The following NR3C2 variants were observed in gnomAD, a reference collection of about 807,000 sequenced individuals.
The protein encoded by NR3C2 is nuclear receptor subfamily 3 group C member 2.
A neutral mutation model predicts 86.4 loss-of-function variants in NR3C2; 15 were observed. The ratio of observed to expected loss-of-function variants is 0.17; its 90% confidence interval spans 0.12 to 0.27. The LOEUF (loss-of-function observed/expected upper bound fraction) is 0.27, where lower values mean the gene tolerates loss of function less well. Among genes scored for constraint, NR3C2 ranks in the 10% least tolerant of loss-of-function variants. NR3C2 has a pLI of 1.00. For missense variants in NR3C2, 960 were observed against 1,195.6 expected, an observed-to-expected ratio of 0.80 and a Z score of 2.91; for synonymous variants, 458 against 450.5, an observed-to-expected ratio of 1.02 and a Z score of -0.21.
chr4:148,302,214 T>C (rs1479946166), intron 2 of NR3C2, among the ~76,000 whole-genome samples: 1 of 152,186 alleles, frequency 6.6e-6, no homozygotes, highest in African/African-American at 2.4e-5. Context: ...AGAAAAAATA[T>C]ACAGGACTCA....
intron 2 of NR3C2, among the ~76,000 whole-genome samples, chr4:148,279,474 A>G (rs953026217): frequency 2.6e-5 from 4 of 152,220 alleles, no homozygotes; most frequent in Non-Finnish European, 5.9e-5. Context: ...GAAAGAGGAA[A>G]CAAGACACTA....
At chr4:148,154,399 T>C (rs1734249630) in intron 5 of NR3C2, 152 bp downstream of exon 5, 2 of 781,790 alleles carry the variant, frequency 2.6e-6, no homozygotes, top group South Asian at 2.8e-5. Flanking sequence ...ATATTTTTCC[T>C]ATACACTTGA....
At chr4:148,179,073 A>G (rs1213475646) in intron 4 of NR3C2, among the ~76,000 whole-genome samples, 1 of 151,724 alleles carries the variant, frequency 6.6e-6, no homozygotes, top group East Asian at 1.9e-4. Flanking sequence ...AAACTCCATT[A>G]TCTGCAGTGA....
At chr4:148,225,769 T>C (rs1352900240) in intron 3 of NR3C2, among the ~76,000 whole-genome samples, 2 of 152,142 alleles carry the variant, frequency 1.3e-5, no homozygotes, top group Admixed American at 6.6e-5. Context: ...CCTAAGGAAA[T>C]GAAATCAAGG....
At position 148,080,373 on chromosome 4, in the gene NR3C2, G is replaced by A. The variant is rs915171032; in HGVS notation, c.*971C>T. On this transcript the variant is annotated 3_prime_UTR_variant, in exon 9 of 9. Transcript: ENST00000358102. ...TGTAAAATAATGGTAAATTAGATAT[G>A]AAGCTAAAAAAGGCACAGCTTTCCC... 2 of 152,620 alleles carry A rather than the reference G, an allele frequency of 1.3e-5. No individual in the cohort carries two copies. Among genetic ancestry groups the A allele is most frequent in the Admixed American group, 1.3e-4 (2 of 15,284 alleles). 9.5% of individuals were successfully genotyped at this position (152,620 alleles called of 1,614,324 possible). A position where few individuals can be genotyped will look rare whatever the true frequency, so the allele number is the denominator to read the frequency against.
intron 2 of NR3C2, among the ~76,000 whole-genome samples, chr4:148,370,668 G>A (rs566517816): frequency 6.6e-6 from 1 of 152,054 alleles, no homozygotes; most frequent in Non-Finnish European, 1.5e-5. Flanking sequence ...ATGGGAGGGG[G>A]TGCTAAAATA....
intron 2 of NR3C2, 119 bp downstream of exon 2, chr4:148,434,985 A>C: frequency 1.0e-6 from 1 of 978,486 alleles, no homozygotes; most frequent in Non-Finnish European, 1.6e-6. Context: ...GGAGCAACAT[A>C]TGACCATCCT....
At chr4:148,327,126 TGA>T in intron 2 of NR3C2, among the ~76,000 whole-genome samples, 1 of 152,180 alleles carries the variant, frequency 6.6e-6, no homozygotes, top group Admixed American at 6.5e-5. Context: ...GAAAAAGATG[TGA>T]GAGGGGTTAG....
intron 4 of NR3C2, among the ~76,000 whole-genome samples, chr4:148,182,451 T>C (rs912363777): frequency 1.3e-5 from 2 of 152,226 alleles, no homozygotes; most frequent in Non-Finnish European, 2.9e-5. Context: ...AAAGTAAATA[T>C]TGCTTTCATA....
chr4:148,360,882 T>C (rs531881312), intron 2 of NR3C2, among the ~76,000 whole-genome samples: 17 of 152,324 alleles, frequency 1.1e-4, no homozygotes, highest in Admixed American at 7.2e-4. Context: ...GTGAGTTACA[T>C]GTTACACCCA....
chr4:148,327,360 T>C (rs1744023274), intron 2 of NR3C2, among the ~76,000 whole-genome samples: 1 of 152,220 alleles, frequency 6.6e-6, no homozygotes, highest in Non-Finnish European at 1.5e-5. Flanking sequence ...ATTAAGGATA[T>C]GTAACTACCT....
chr4:148,229,139 A>T (rs1008483590), intron 3 of NR3C2, among the ~76,000 whole-genome samples: 1 of 152,188 alleles, frequency 6.6e-6, no homozygotes, highest in Admixed American at 6.5e-5. Flanking sequence ...GGAGGCAGAT[A>T]AGGGAACCTG....
At chr4:148,413,552 A>G (rs1255424161) in intron 2 of NR3C2, among the ~76,000 whole-genome samples, 1 of 152,054 alleles carries the variant, frequency 6.6e-6, no homozygotes, top group Non-Finnish European at 1.5e-5. Flanking sequence ...TTAAAGCACA[A>G]GCAGTAGACT....
intron 2 of NR3C2, among the ~76,000 whole-genome samples, chr4:148,343,938 T>C (rs755671955): frequency 3.5e-4 from 54 of 152,172 alleles, no homozygotes; most frequent in Non-Finnish European, 2.2e-4. Flanking sequence ...GTTGTATTAC[T>C]GTTTGTTGAC....
intron 2 of NR3C2, among the ~76,000 whole-genome samples, chr4:148,332,567 T>C (rs1041613484): frequency 6.6e-6 from 1 of 152,210 alleles, no homozygotes. Flanking sequence ...TGTGTCAAGA[T>C]GCTCCGTACC....
intron 3 of NR3C2, among the ~76,000 whole-genome samples, chr4:148,236,323 A>C (rs1463260858): frequency 1.3e-5 from 2 of 152,210 alleles, no homozygotes; most frequent in Non-Finnish European, 2.9e-5. Flanking sequence ...CTTCAGTGTC[A>C]GCTCTAGAAA....
Position 148,286,536 on chromosome 4 carries a change from C to G in NR3C2, c.1758-26419G>C, listed in dbSNP as rs552633469. Among the ~76,000 whole-genome samples the G allele has an allele frequency of 2.3e-4, 35 of 152,290 alleles. No homozygotes were observed. The South Asian group carries it at 7.1e-3, about 31-fold the overall frequency. On this transcript the variant is annotated intron_variant, in intron 2 of 8. Coordinates refer to ENST00000358102, the MANE Select transcript of NR3C2 (RefSeq NM_000901.5). ...GTTAATTCATTAAGTAAAATAGCCT[C>G]AACAGTCATTCTTGGCTCATCCGGT...
intron 8 of NR3C2, among the ~76,000 whole-genome samples, chr4:148,082,948 A>G (rs1036568970): frequency 6.6e-6 from 1 of 151,938 alleles, no homozygotes; most frequent in Admixed American, 6.6e-5. Context: ...CCCAGTGTAA[A>G]CAGAGCCACC....
At chr4:148,241,121 C>T (rs1289388125) in intron 3 of NR3C2, among the ~76,000 whole-genome samples, 1 of 151,828 alleles carries the variant, frequency 6.6e-6, no homozygotes, top group Non-Finnish European at 1.5e-5. Context: ...GCCTGGCCAA[C>T]ATGGTGAAAC....
Sources: gnomAD v4.1 joint callset for allele counts (sites outside exome capture counted in the v4.1 genomes callset) on GRCh38, gnomAD v4.1.1 for gene constraint, MANE v1.5 for transcripts, NCBI Gene and HGNC (gene_info 2026-07-23, HGNC 2026-07-21) for gene names.